Variants in RCAN1 observed in about 807,000 individuals in gnomAD.
The protein encoded by RCAN1 is regulator of calcineurin 1.
In RCAN1, 11 loss-of-function variants were observed where a neutral mutation model predicts 22.9. That is an observed-to-expected ratio of 0.48 (90% CI 0.30 to 0.79). The LOEUF (loss-of-function observed/expected upper bound fraction) is 0.79, where lower values mean the gene tolerates loss of function less well. RCAN1 is among the 30% of genes least tolerant of loss of function. The pLI is 0.06. For synonymous variants in RCAN1, 136 were observed against 142.3 expected (o/e 0.96, Z 0.32); for missense variants, 291 against 337.8 (o/e 0.86, Z 1.09).
chr21:34,569,304 A>G (rs533675938), intron 1 of RCAN1, among the ~76,000 whole-genome samples: 99 of 152,368 alleles, frequency 6.5e-4, no homozygotes, highest in African/African-American at 2.2e-3. Context: ...GTGCAGAGAG[A>G]GAATTTTTTT....
chr21:34,525,572 T>C (rs368747112), intron 1 of RCAN1: 1 of 470,396 alleles, frequency 2.1e-6, no homozygotes, highest in South Asian at 7.4e-5. Flanking sequence ...TTGGGAGAGA[T>C]GACTTTGAAG....
chr21:34,583,582 TGA>T (rs1568922574), intron 1 of RCAN1, among the ~76,000 whole-genome samples: 1 of 152,102 alleles, frequency 6.6e-6, no homozygotes, highest in African/African-American at 2.4e-5. Flanking sequence ...GAAGACCATG[TGA>T]GGACACAGGG....
At chr21:34,526,696 T>C (rs1485942956) in intron 1 of RCAN1, 1 of 1,613,592 alleles carries the variant, frequency 6.2e-7, no homozygotes, top group African/African-American at 1.3e-5. Flanking sequence ...TATCACTGTT[T>C]GCCACACAGG....
chr21:34,532,239 T>C (rs970676384), intron 1 of RCAN1, among the ~76,000 whole-genome samples: 1 of 152,094 alleles, frequency 6.6e-6, no homozygotes, highest in Non-Finnish European at 1.5e-5. Flanking sequence ...GTGGGGGGGT[T>C]CCTGTTAAAC....
chr21:34,530,398 C>T (rs147171541), intron 1 of RCAN1, among the ~76,000 whole-genome samples: 1 of 152,232 alleles, frequency 6.6e-6, no homozygotes, highest in East Asian at 1.9e-4. Context: ...ATTAGGATGA[C>T]TTCAGCACAT....
In RCAN1 at chr21:34,614,400, C is replaced by T; in HGVS notation, c.252+360G>A. 1 of 997,758 alleles carries T rather than the reference C, an allele frequency of 1.0e-6. No individual in the cohort carries two copies. The allele number at this position is 997,758 out of a possible 1,614,324, so 61.8% of individuals were successfully genotyped here. ...CCTCCTCCCTAGGAATGAGGTGACC[C>T]CCTCCTCCAGCGAGTAAATGCGGGG... On this transcript the variant is annotated intron_variant, in intron 1 of 3. Transcript: ENST00000313806. This position sits in a 1 kb window ranked among gnomAD's most constrained non-coding sequence, Gnocchi z 6.0.
At chr21:34,592,042 G>A (rs779325338) in intron 1 of RCAN1, among the ~76,000 whole-genome samples, 1 of 152,250 alleles carries the variant, frequency 6.6e-6, no homozygotes, top group Non-Finnish European at 1.5e-5. Flanking sequence ...ATAAAGAAGC[G>A]TTCCCCTCCC....
chr21:34,556,108 C>CA lies in RCAN1; in HGVS notation c.253-32399dup, dbSNP rs10541076. On this transcript the variant is annotated intron_variant, in intron 1 of 3. Coordinates refer to ENST00000313806, the MANE Select transcript of RCAN1 (RefSeq NM_004414.7). ...AATAAATAAATAAATAATTAAAGGC[C>CA]AAAAAAAAAAAAAAAAGAGCAGTAA... Among the ~76,000 whole-genome samples the CA allele has an allele frequency of 4.2e-3, 502 of 118,638 alleles. 16 individuals carry two copies. In the South Asian group the frequency reaches 0.067, roughly 16 times the overall value. 77.8% of individuals were successfully genotyped at this position (118,638 alleles called of 152,430 possible). A position where few individuals can be genotyped will look rare whatever the true frequency, so the allele number is the denominator to read the frequency against.
At chr21:34,523,811 C>G in intron 1 of RCAN1, 101 bp from the exon 2 acceptor site, 1 of 955,418 alleles carries the variant, frequency 1.0e-6, no homozygotes. Context: ...GAGACAGAGT[C>G]TTGCTCTGTC....
intron 1 of RCAN1, among the ~76,000 whole-genome samples, chr21:34,600,515 G>A (rs1988300203): frequency 6.6e-6 from 1 of 152,136 alleles, no homozygotes; most frequent in Admixed American, 6.5e-5. Context: ...AAGATCAGGA[G>A]AGAGGGAGGG....
At chr21:34,553,532 T>C (rs1413450309) in intron 1 of RCAN1, among the ~76,000 whole-genome samples, 2 of 152,224 alleles carry the variant, frequency 1.3e-5, no homozygotes, top group African/African-American at 4.8e-5. Flanking sequence ...AACCATATCC[T>C]ACTTTTCTCA....
At chr21:34,572,773 T>C (rs1009731190) in intron 1 of RCAN1, among the ~76,000 whole-genome samples, 1 of 152,036 alleles carries the variant, frequency 6.6e-6, no homozygotes, top group Non-Finnish European at 1.5e-5. Flanking sequence ...ACAGGAAGCA[T>C]GGCTGGAAAG....
At chr21:34,572,882 C>T (rs1268547531) in intron 1 of RCAN1, among the ~76,000 whole-genome samples, 4 of 152,168 alleles carry the variant, frequency 2.6e-5, no homozygotes, top group Non-Finnish European at 4.4e-5. Context: ...AGATGCTATA[C>T]ACTCTTAAAC....
chr21:34,592,808 C>T (rs1278169829), intron 1 of RCAN1, among the ~76,000 whole-genome samples: 1 of 152,152 alleles, frequency 6.6e-6, no homozygotes, highest in Non-Finnish European at 1.5e-5. Flanking sequence ...TATGTTCTCT[C>T]GTGATTAACT....
Position 34,525,447 on chromosome 21 carries a change from C to A in RCAN1, c.253-1737G>T, listed in dbSNP as rs187295234. On this transcript the variant is annotated intron_variant, in intron 1 of 3. Coordinates refer to ENST00000313806, the MANE Select transcript of RCAN1 (RefSeq NM_004414.7). ...CCTCTCACTCTTTTTCCCCACCTCT[C>A]TTGAGCACGGGCAAGTTTCTGGCAA... is the stretch of plus-strand genomic sequence containing the variant. 5,384 of 1,378,300 alleles carry A rather than the reference C, an allele frequency of 3.9e-3. 19 individuals carry two copies. Among genetic ancestry groups the A allele is most frequent in the Non-Finnish European group, 4.4e-3 (4,682 of 1,055,750 alleles). The allele number at this position is 1,378,300 out of a possible 1,614,324, so 85.4% of individuals were successfully genotyped here. A position where few individuals can be genotyped will look rare whatever the true frequency, so the allele number is the denominator to read the frequency against.
At chr21:34,533,518 G>T (rs1380157625) in intron 1 of RCAN1, among the ~76,000 whole-genome samples, 1 of 152,058 alleles carries the variant, frequency 6.6e-6, no homozygotes, top group Non-Finnish European at 1.5e-5. Context: ...AAGCCTTCTG[G>T]TTCACATTCA....
intron 1 of RCAN1, among the ~76,000 whole-genome samples, chr21:34,579,899 T>TA (rs1987543528): frequency 2.0e-5 from 3 of 152,176 alleles, no homozygotes; most frequent in African/African-American, 7.2e-5. Flanking sequence ...AGCAGAAGAA[T>TA]ATTTTTTTCT....
At chr21:34,519,057 C>T (rs1184364393) in intron 3 of RCAN1, among the ~76,000 whole-genome samples, 1 of 152,192 alleles carries the variant, frequency 6.6e-6, no homozygotes, top group East Asian at 1.9e-4. Flanking sequence ...ACCCAGGGCT[C>T]ATGGGCACTT....
intron 1 of RCAN1, among the ~76,000 whole-genome samples, chr21:34,550,283 A>G (rs1365268373): frequency 6.6e-6 from 1 of 152,252 alleles, no homozygotes; most frequent in African/African-American, 2.4e-5. Context: ...TTTGAGAAAC[A>G]GTTTTGCAAA....
Sources: allele counts gnomAD v4.1 joint callset (sites outside exome capture counted in the v4.1 genomes callset), GRCh38; gene constraint gnomAD v4.1.1; non-coding constraint Gnocchi (gnomAD v3.1); transcripts MANE v1.5; gene names NCBI Gene and HGNC (gene_info 2026-07-23, HGNC 2026-07-21).